The following TUBGCP3 variants were observed in gnomAD, a reference collection of about 807,000 sequenced individuals.
TUBGCP3 encodes gamma-tubulin complex component 3.
A neutral mutation model predicts 123.1 loss-of-function variants in TUBGCP3; 50 were observed. The ratio of observed to expected loss-of-function variants is 0.41; its 90% confidence interval spans 0.32 to 0.51. TUBGCP3 has a LOEUF of 0.51. TUBGCP3 is among the 20% of genes least tolerant of loss of function. TUBGCP3 has a pLI of 0.36. For synonymous variants in TUBGCP3, 405 were observed against 413.9 expected, an observed-to-expected ratio of 0.98 and a Z score of 0.26; for missense variants, 882 against 1,127.0, an observed-to-expected ratio of 0.78 and a Z score of 3.11.
intron 14 of TUBGCP3, chr13:112,521,616 T>G: frequency 1.0e-6 from 1 of 971,492 alleles, no homozygotes; most frequent in Non-Finnish European, 1.2e-6. Context: ...TGGCAGGGTT[T>G]AAAGGTAAGT....
intron 11 of TUBGCP3, among the ~76,000 whole-genome samples, chr13:112,533,486 T>G (rs562277568): frequency 3.0e-4 from 46 of 152,238 alleles, no homozygotes; most frequent in African/African-American, 8.9e-4. Context: ...TCTGTGGACT[T>G]GGGAGGAAAA....
intron 10 of TUBGCP3, chr13:112,546,605 T>TG (rs1290270736): frequency 6.6e-6 from 1 of 152,272 alleles, no homozygotes; most frequent in Non-Finnish European, 1.5e-5. Context: ...AGATTGAATA[T>TG]GGGGATCGGA....
intron 20 of TUBGCP3, chr13:112,498,732 G>A (rs1880684264): frequency 1.3e-6 from 2 of 1,486,466 alleles, no homozygotes; most frequent in Middle Eastern, 2.3e-4. Flanking sequence ...GCAGAGCGGA[G>A]GCAGCTGTGG....
intron 11 of TUBGCP3, among the ~76,000 whole-genome samples, chr13:112,533,240 G>C (rs1309056507): frequency 6.6e-6 from 1 of 152,226 alleles, no homozygotes; most frequent in Non-Finnish European, 1.5e-5. Flanking sequence ...AGCCAAGAGG[G>C]AGACGCACCG....
intron 20 of TUBGCP3, among the ~76,000 whole-genome samples, chr13:112,495,574 CAGGG>C (rs1309427779): frequency 1.3e-5 from 2 of 151,958 alleles, no homozygotes; most frequent in Non-Finnish European, 2.9e-5. Context: ...AGAATGATAA[CAGGG>C]AGGGTTCTAT....
Position 112,489,679 on chromosome 13 carries a change from C to T in TUBGCP3, c.2467G>A (p.Ala823Thr). 6.2e-7 allele frequency: 1 copy of T among 1,614,050 alleles called. No homozygotes were observed. The highest frequency in any genetic ancestry group is 8.5e-7 in the Non-Finnish European group (1 of 1,179,876). ...REIEGQWGVT[A>T]AEEEEENKRI... ...TTATTTTCCTCCTCTTCCTCTGCTGCCGTCACTCCCCACTGGCCCTGAACA... is the reference window on the plus strand; with the variant it reads ...TTATTTTCCTCCTCTTCCTCTGCTGTCGTCACTCCCCACTGGCCCTGAACA... Residue 823 changes from alanine to threonine, a missense_variant, in exon 21 of 22, where the codon GCA (alanine) becomes ACA (threonine). Ala to Thr is a moderately conservative substitution (Grantham distance 58). Around this residue, in one of 3 missense-constraint regions of TUBGCP3, gnomAD observed 160 missense variants for 220.3 expected, o/e 0.73. Coordinates refer to ENST00000261965, the MANE Select transcript of TUBGCP3 (RefSeq NM_006322.6).
chr13:112,591,342 C>T (rs1385112954), upstream of TUBGCP3, among the ~76,000 whole-genome samples: 2 of 152,238 alleles, frequency 1.3e-5, no homozygotes, highest in African/African-American at 4.8e-5. Context: ...AGGCGATCAG[C>T]CTTCTCAAGA....
chr13:112,562,613 GCA>G (rs1450253022), intron 3 of TUBGCP3, among the ~76,000 whole-genome samples: 1 of 152,160 alleles, frequency 6.6e-6, no homozygotes, highest in African/African-American at 2.4e-5. Flanking sequence ...GGCCTGGAGA[GCA>G]CAGAGTGGGC....
chr13:112,547,947 G>A (rs1242993359), intron 9 of TUBGCP3, among the ~76,000 whole-genome samples, 161 bp downstream of exon 9: 1 of 152,012 alleles, frequency 6.6e-6, no homozygotes, highest in Non-Finnish European at 1.5e-5. Context: ...ACTGGCTCTA[G>A]GATACACTGA....
At chr13:112,510,004 ATATAAT>A (rs774905722) in intron 17 of TUBGCP3, among the ~76,000 whole-genome samples, 10 of 152,204 alleles carry the variant, frequency 6.6e-5, no homozygotes, top group Non-Finnish European at 1.5e-4. Context: ...ACAAGTAACT[ATATAAT>A]TATAAGAATC....
chr13:112,512,231 G>A (rs949787288), intron 17 of TUBGCP3, among the ~76,000 whole-genome samples: 1 of 151,974 alleles, frequency 6.6e-6, no homozygotes, highest in African/African-American at 2.4e-5. Context: ...GGCCAGTCTG[G>A]CCAACATAGT....
chr13:112,588,152 G>T lies in TUBGCP3; in HGVS notation c.-172C>A. ...CATTTTAACGGAACCCGCCGAAAGC[G>T]CGGGCGCTTCCCACAATGCCCCGCT... is the stretch of plus-strand genomic sequence containing the variant. On this transcript the variant is annotated 5_prime_UTR_variant, in exon 1 of 22. Transcript: ENST00000261965. 2.1e-6 allele frequency: 1 copy of T among 487,516 alleles called. No individual in the cohort carries two copies. The allele number at this position is 487,516 out of a possible 1,614,324, so 30.2% of individuals were successfully genotyped here.
chr13:112,583,173 T>C (rs1882390827), intron 1 of TUBGCP3, among the ~76,000 whole-genome samples: 1 of 152,234 alleles, frequency 6.6e-6, no homozygotes, highest in African/African-American at 2.4e-5. Context: ...TACCACAGTA[T>C]AAGCACAACA....
At chr13:112,558,447 G>A in intron 4 of TUBGCP3, 34 bp from the exon 5 acceptor site, 2 of 1,489,350 alleles carry the variant, frequency 1.3e-6, no homozygotes, top group East Asian at 2.3e-5. Flanking sequence ...GCAGAGACAG[G>A]AAATTACAGA....
intron 8 of TUBGCP3, among the ~76,000 whole-genome samples, chr13:112,552,551 C>T (rs1287651452): frequency 1.3e-5 from 2 of 152,218 alleles, no homozygotes; most frequent in Non-Finnish European, 2.9e-5. Flanking sequence ...CATCTTTATA[C>T]GCATTCTCTC....
At chr13:112,600,297 T>A in the TUBGCP3 span, among the ~76,000 whole-genome samples, 2 of 152,242 alleles carry the variant, frequency 1.3e-5, no homozygotes, top group African/African-American at 4.8e-5. Flanking sequence ...CTGCCTAAAC[T>A]GGAAGCTGTA....
intron 18 of TUBGCP3, 31 bp downstream of exon 18, chr13:112,504,580 GACATGACTTATTTAA>G: frequency 6.9e-7 from 1 of 1,459,062 alleles, no homozygotes; most frequent in Non-Finnish European, 9.5e-7. Context: ...TAAAAGCCAA[GACATGACTTATTTAA>G]ACTAAAATCA....
chr13:112,552,016 A>G (rs902390611), intron 8 of TUBGCP3, among the ~76,000 whole-genome samples: 5 of 152,156 alleles, frequency 3.3e-5, no homozygotes, highest in African/African-American at 1.2e-4. Context: ...CTATGAAACT[A>G]ATGCCATCAC....
intron 1 of TUBGCP3, among the ~76,000 whole-genome samples, chr13:112,581,468 C>T (rs1404186050): frequency 6.6e-6 from 1 of 151,666 alleles, no homozygotes; most frequent in Non-Finnish European, 1.5e-5. Context: ...TTTTCCCAGA[C>T]AAGGTCTCAC....
Sources: gnomAD v4.1 joint callset for allele counts (sites outside exome capture counted in the v4.1 genomes callset) on GRCh38, gnomAD v4.1.1 for gene constraint, gnomAD v4.1.1 regional missense constraint, MANE v1.5 for transcripts, NCBI Gene and HGNC (gene_info 2026-07-23, HGNC 2026-07-21) for gene names.